CLEC12A: variants seen among roughly 807,000 people sequenced by gnomAD.
The protein encoded by CLEC12A is C-type lectin protein CLL-1.
CLEC12A carries 22 observed loss-of-function variants against 26.5 expected under a neutral mutation model. The ratio of observed to expected loss-of-function variants is 0.83; its 90% CI spans 0.59 to 1.19. The LOEUF (loss-of-function observed/expected upper bound fraction) is 1.19, where lower values mean the gene tolerates loss of function less well. CLEC12A is among the 50% of genes most tolerant of loss of function. CLEC12A has a pLI of 0.00. For missense variants in CLEC12A, 353 were observed against 315.6 expected (o/e 1.12, Z -0.90); for synonymous variants, 119 against 101.9 (o/e 1.17, Z -1.01).
chr12:9,996,845 C>T (rs757348984), downstream of CLEC12A: 10 of 1,613,956 alleles, frequency 6.2e-6, no homozygotes, highest in East Asian at 2.2e-4. Flanking sequence ...AATCTTCTTA[C>T]CACAATGTTC....
Position 9,995,237 on chromosome 12 carries a change from T to C in CLEC12A, n.1224T>C, listed in dbSNP as rs61731309. ...CAACGAATTAAATGAGTCCTGGCTTTGATGTACTCCTATTGTAAACATAAA... is the reference window on the plus strand; with the variant it reads ...CAACGAATTAAATGAGTCCTGGCTTCGATGTACTCCTATTGTAAACATAAA... On this transcript the variant is annotated non_coding_transcript_exon_variant, in exon 5 of 5. Transcript: ENST00000449959. 500 of 1,612,416 alleles carry C rather than the reference T, an allele frequency of 3.1e-4. 2 individuals are homozygous for C. In the African/African-American group the frequency reaches 5.7e-3, roughly 18 times the overall value.
chr12:9,977,103 T>C (rs927872148), intron 1 of CLEC12A, among the ~76,000 whole-genome samples: 2 of 152,202 alleles, frequency 1.3e-5, no homozygotes, highest in Non-Finnish European at 2.9e-5. Flanking sequence ...AAGATGGTGT[T>C]TTGCTTTTTA....
rs1864927336 is a variant in CLEC12A at position 9,993,045 on chromosome 12, A to C, written n.1005-1973A>C. The C allele has an allele frequency of 3.7e-6, 4 of 1,074,262 alleles. No homozygotes were observed. In the African/African-American group the frequency reaches 6.3e-5, roughly 17 times the overall value. The allele number at this position is 1,074,262 out of a possible 1,614,324, so 66.5% of individuals were successfully genotyped here. On this transcript the variant is annotated intron_variant and non_coding_transcript_variant, in intron 4 of 4. Transcript: ENST00000449959. ...TTAAAAATAACTCCAGTGAGAAGAA[A>C]GGGAGAAATAAGCAATTTTCAGCTA...
At chr12:9,988,946 A>G (rs994625701), downstream of CLEC12A, among the ~76,000 whole-genome samples, 1 of 152,176 alleles carries the variant, frequency 6.6e-6, no homozygotes, top group African/African-American at 2.4e-5. Flanking sequence ...CACAATAGCA[A>G]AGACTTGGAA....
chr12:9,996,386 T>C (rs1307906961), downstream of CLEC12A, among the ~76,000 whole-genome samples: 1 of 152,226 alleles, frequency 6.6e-6, no homozygotes, highest in East Asian at 1.9e-4. Context: ...AGGATATGCA[T>C]ATATGTCTCG....
At chr12:9,998,011 A>G (rs569430387), downstream of CLEC12A, among the ~76,000 whole-genome samples, 88 of 152,268 alleles carry the variant, frequency 5.8e-4, 2 homozygotes, top group South Asian at 0.017. Context: ...GTTTTTAAAA[A>G]TAGTTTGGAT....
chr12:9,976,688 A>G (rs936516258), intron 1 of CLEC12A, among the ~76,000 whole-genome samples: 2 of 152,124 alleles, frequency 1.3e-5, no homozygotes, highest in African/African-American at 2.4e-5. Flanking sequence ...GAAATGTGAG[A>G]CATGAGATTT....
At chr12:9,997,176 TTC>T, downstream of CLEC12A, 1 of 1,614,046 alleles carries the variant, frequency 6.2e-7, no homozygotes, top group Non-Finnish European at 8.5e-7. Context: ...TGCCCTTTAG[TTC>T]TGATTGTTTT....
rs775567298 is a variant in CLEC12A at position 9,979,474 on chromosome 12, T to C, written c.329T>C (p.Leu110Pro). The stretch of plus-strand genomic sequence containing the variant: ...AAGATCAGGAACCTCTCCACCACAC[T>C]GCAAACAATAGCCACCAAATTATGT... ...SNKIRNLSTT[L>P]QTIATKLCRE... The change falls in exon 3 of 6, where the codon CTG becomes CCG. Residue 110 changes from leucine to proline, a missense_variant. By Grantham distance (98) the Leu-to-Pro change is moderately conservative (BLOSUM62 -3). Transcript: ENST00000304361. The C allele has an allele frequency of 1.2e-6, 2 of 1,613,432 alleles. No homozygotes were observed. Among genetic ancestry groups the C allele is most frequent in the South Asian group, 2.2e-5 (2 of 91,050 alleles).
At chr12:9,968,380 G>C (rs1463922016), upstream of CLEC12A, among the ~76,000 whole-genome samples, 1 of 99,028 alleles carries the variant, frequency 1.0e-5, no homozygotes, top group Non-Finnish European at 2.1e-5. Flanking sequence ...TCAGCGAAGG[G>C]AGATGGGGTG....
At chr12:9,999,385 A>G (rs1410246624), downstream of CLEC12A, 1 of 262,046 alleles carries the variant, frequency 3.8e-6, no homozygotes, top group African/African-American at 2.2e-5. Flanking sequence ...TTTTATCTTC[A>G]ACACTAAATA....
intron 1 of CLEC12A, among the ~76,000 whole-genome samples, chr12:9,958,256 G>A (rs750668029): frequency 2.0e-5 from 3 of 152,214 alleles, no homozygotes; most frequent in Non-Finnish European, 4.4e-5. Context: ...GGAAGATCCG[G>A]TTGATACAGA....
At chr12:10,004,566 T>C in the CLEC12A span, among the ~76,000 whole-genome samples, 3 of 151,934 alleles carry the variant, frequency 2.0e-5, no homozygotes, top group African/African-American at 4.8e-5. Context: ...ACCTTTCATC[T>C]GCTTGTCTTC....
intron 1 of CLEC12A, among the ~76,000 whole-genome samples, chr12:9,954,748 C>T (rs759912928): frequency 5.3e-5 from 8 of 152,100 alleles, no homozygotes; most frequent in Non-Finnish European, 1.2e-4. Flanking sequence ...AATTAAAAAG[C>T]GTTCATAAAT....
chr12:10,006,071 CTG>C, the CLEC12A span, among the ~76,000 whole-genome samples: 4 of 152,310 alleles, frequency 2.6e-5, no homozygotes, highest in East Asian at 7.7e-4. Flanking sequence ...CATTTAATAA[CTG>C]TGTTTCCATA....
At chr12:9,974,117 T>C (rs1864240216) in intron 1 of CLEC12A, among the ~76,000 whole-genome samples, 1 of 152,204 alleles carries the variant, frequency 6.6e-6, no homozygotes, top group African/African-American at 2.4e-5. Flanking sequence ...ACTGATGTCC[T>C]GCCTGTTTCA....
chr12:9,963,078 A>G (rs1863866304), intron 1 of CLEC12A, among the ~76,000 whole-genome samples: 1 of 152,140 alleles, frequency 6.6e-6, no homozygotes, highest in Non-Finnish European at 1.5e-5. Context: ...GTCATTTAGA[A>G]TTATTCGTGA....
chr12:9,951,598 A>G (rs1863610430), intron 1 of CLEC12A: 2 of 517,770 alleles, frequency 3.9e-6, no homozygotes, highest in South Asian at 2.3e-5. Flanking sequence ...TTCCGAAGGA[A>G]TCTCCATTTG....
intron 1 of CLEC12A, among the ~76,000 whole-genome samples, chr12:9,954,599 A>G (rs1249595014): frequency 1.3e-5 from 2 of 152,250 alleles, no homozygotes; most frequent in African/African-American, 4.8e-5. Flanking sequence ...CCATGTGAAC[A>G]TGTTCATAAA....
Sources: allele counts gnomAD v4.1 joint callset (sites outside exome capture counted in the v4.1 genomes callset), GRCh38; gene constraint gnomAD v4.1.1; transcripts MANE v1.5; gene names NCBI Gene and HGNC (gene_info 2026-07-23, HGNC 2026-07-21).